XKR4: variants seen among roughly 807,000 people sequenced by gnomAD.
XKR4 encodes XK-related protein 4.
In XKR4, 12 loss-of-function variants were observed where a neutral mutation model predicts 53.9. The observed-to-expected ratio is 0.22, with a 90% CI of 0.14 to 0.36. The LOEUF (loss-of-function observed/expected upper bound fraction) is 0.36, where lower values mean the gene tolerates loss of function less well. XKR4 is among the 10% of genes least tolerant of loss of function. The pLI is 1.00. For missense variants in XKR4, 799 were observed against 859.5 expected (o/e 0.93, Z 0.88); for synonymous variants, 354 against 362.4 (o/e 0.98, Z 0.26).
intron 1 of XKR4, among the ~76,000 whole-genome samples, chr8:55,293,394 A>G (rs979430678): frequency 6.6e-6 from 1 of 152,166 alleles, no homozygotes; most frequent in African/African-American, 2.4e-5. Flanking sequence ...AAGAAGAAGG[A>G]ACAAGTGCGA....
chr8:55,155,805 A>G (rs1402512834), intron 1 of XKR4, among the ~76,000 whole-genome samples: 1 of 152,246 alleles, frequency 6.6e-6, no homozygotes, highest in Non-Finnish European at 1.5e-5. Flanking sequence ...CACAGTGAAT[A>G]GCTTTCAACC....
chr8:55,141,933 C>T (rs931008975), intron 1 of XKR4, among the ~76,000 whole-genome samples: 2 of 152,102 alleles, frequency 1.3e-5, no homozygotes, highest in South Asian at 2.1e-4. Context: ...GGGAGCCACA[C>T]GCCTGCAGGG....
chr8:55,261,223 T>G (rs1818520117), intron 1 of XKR4, among the ~76,000 whole-genome samples: 1 of 152,086 alleles, frequency 6.6e-6, no homozygotes. Context: ...CACGTGACCT[T>G]GGGAAAGCAT....
At chr8:55,242,459 C>A (rs192693263) in intron 1 of XKR4, among the ~76,000 whole-genome samples, 1 of 152,066 alleles carries the variant, frequency 6.6e-6, no homozygotes, top group Non-Finnish European at 1.5e-5. Flanking sequence ...AAAGGAAATG[C>A]GAGGAGGTAA....
At chr8:55,215,423 C>T (rs1476110031) in intron 1 of XKR4, among the ~76,000 whole-genome samples, 2 of 152,178 alleles carry the variant, frequency 1.3e-5, no homozygotes, top group Non-Finnish European at 2.9e-5. Context: ...AGAAACTACA[C>T]AACATCAGTA....
At chr8:55,465,497 A>C (rs1563358289) in intron 2 of XKR4, among the ~76,000 whole-genome samples, 1 of 152,040 alleles carries the variant, frequency 6.6e-6, no homozygotes, top group Non-Finnish European at 1.5e-5. Context: ...AAGATGGATT[A>C]AAGACTTAAA....
chr8:55,171,667 C>G (rs1817159846), intron 1 of XKR4, among the ~76,000 whole-genome samples: 1 of 152,168 alleles, frequency 6.6e-6, no homozygotes, highest in Non-Finnish European at 1.5e-5. Flanking sequence ...TTTTCCCTAT[C>G]TCTGTTGGGC....
At chr8:55,235,294 T>A (rs1015913291) in intron 1 of XKR4, among the ~76,000 whole-genome samples, 9 of 152,230 alleles carry the variant, frequency 5.9e-5, no homozygotes, top group African/African-American at 1.9e-4. Context: ...ATCCTGACAC[T>A]AATTACATCT....
chr8:55,286,447 G>C (rs906619331), intron 1 of XKR4, among the ~76,000 whole-genome samples: 3 of 152,204 alleles, frequency 2.0e-5, no homozygotes, highest in Admixed American at 6.5e-5. Flanking sequence ...CCAAGGGGCA[G>C]CCTCTTTGGT....
chr8:55,537,210 T>C lies in XKR4; in HGVS notation c.*12983T>C, dbSNP rs972157311. 1 of 152,252 alleles carries C rather than the reference T, an allele frequency of 6.6e-6. No homozygotes were observed. The highest frequency in any genetic ancestry group is 6.5e-5 in the Admixed American group (1 of 15,288). The allele number at this position is 152,252 out of a possible 1,614,324, so 9.4% of individuals were successfully genotyped here. On this transcript the variant is annotated 3_prime_UTR_variant, in exon 3 of 3. Coordinates refer to ENST00000327381, the MANE Select transcript of XKR4 (RefSeq NM_052898.2). ...ATGGGAATATTTAGTGATATCTTTG[T>C]AGTCATCGTTAAAATTCCTGGGAAA... is the stretch of plus-strand genomic sequence containing the variant.
At chr8:55,390,605 A>T (rs1467759914) in intron 2 of XKR4, among the ~76,000 whole-genome samples, 2 of 152,184 alleles carry the variant, frequency 1.3e-5, no homozygotes, top group East Asian at 3.8e-4. Flanking sequence ...CTAGAATCTC[A>T]TTTTGCTAAA....
chr8:55,365,727 A>G (rs1003215268), intron 2 of XKR4, among the ~76,000 whole-genome samples: 12 of 145,606 alleles, frequency 8.2e-5, no homozygotes, highest in African/African-American at 1.0e-4. Context: ...AAAAAAAAAA[A>G]GGGATTTAGA....
intron 1 of XKR4, among the ~76,000 whole-genome samples, chr8:55,201,330 A>G (rs921352674): frequency 4.3e-4 from 65 of 152,346 alleles, no homozygotes; most frequent in African/African-American, 1.4e-3. Flanking sequence ...TCACTGGGAC[A>G]TTTCTATGCC....
At chr8:55,279,973 C>T (rs1337129972) in intron 1 of XKR4, among the ~76,000 whole-genome samples, 1 of 152,142 alleles carries the variant, frequency 6.6e-6, no homozygotes, top group Admixed American at 6.5e-5. Context: ...CTACATTGTT[C>T]TCGAAGAGAT....
At chr8:55,343,412 G>T (rs563697812) in intron 1 of XKR4, among the ~76,000 whole-genome samples, 1 of 152,334 alleles carries the variant, frequency 6.6e-6, no homozygotes, top group African/African-American at 2.4e-5. Context: ...TGGGCAGGCT[G>T]TTGGCACAGG....
intron 2 of XKR4, among the ~76,000 whole-genome samples, chr8:55,471,432 C>T (rs941627317): frequency 5.9e-5 from 9 of 152,070 alleles, no homozygotes; most frequent in African/African-American, 1.5e-4. Context: ...GTTAGAAGTG[C>T]GCATCCATGC....
intron 2 of XKR4, among the ~76,000 whole-genome samples, chr8:55,421,888 A>G (rs1804939576): frequency 6.6e-6 from 1 of 152,186 alleles, no homozygotes; most frequent in Non-Finnish European, 1.5e-5. Flanking sequence ...TCAGAACAAA[A>G]CGTCCTTGGT....
chr8:55,249,003 C>G lies in XKR4; in HGVS notation c.807-108675C>G, dbSNP rs79079742. ...CCTTTGGCAGAATTTCTCTCTCTTT[C>G]TCTCTGTAGTCAATTCATTAACAAT... On this transcript the variant is annotated intron_variant, in intron 1 of 2. Transcript: ENST00000327381. Among the ~76,000 whole-genome samples, 691 of 152,288 alleles carry G rather than the reference C, an allele frequency of 4.5e-3. 6 individuals carry two copies. The highest frequency in any genetic ancestry group is 0.016 in the African/African-American group (644 of 41,546).
At chr8:55,123,209 CA>C (rs1230869252) in intron 1 of XKR4, among the ~76,000 whole-genome samples, 1 of 152,160 alleles carries the variant, frequency 6.6e-6, no homozygotes, top group Non-Finnish European at 1.5e-5. Context: ...GTATATGGTC[CA>C]TGTCATTTAA....
Sources: allele counts gnomAD v4.1 joint callset (sites outside exome capture counted in the v4.1 genomes callset), GRCh38; gene constraint gnomAD v4.1.1; transcripts MANE v1.5; gene names NCBI Gene and HGNC (gene_info 2026-07-23, HGNC 2026-07-21).